The following RALYL variants were observed in gnomAD, a reference collection of about 807,000 sequenced individuals.
RALYL encodes the protein RALY RNA binding protein like, also known as RNA-binding Raly-like protein.
Under a neutral mutation model 35.1 loss-of-function variants are expected in RALYL, and 29 were observed. The observed-to-expected ratio is 0.83, with a 90% CI of 0.61 to 1.13. The LOEUF is 1.13. Among genes scored for constraint, RALYL ranks in the 50% most tolerant of loss-of-function variants. The pLI, the probability that RALYL is intolerant of heterozygous loss-of-function variation, is 0.00. For synonymous variants in RALYL, 120 were observed against 127.6 expected, an observed-to-expected ratio of 0.94 and a Z score of 0.40; for missense variants, 359 against 360.4, an observed-to-expected ratio of 1.00 and a Z score of 0.03.
chr8:84,523,001 G>A (rs2058582331), intron 1 of RALYL, among the ~76,000 whole-genome samples: 1 of 152,074 alleles, frequency 6.6e-6, no homozygotes, highest in Admixed American at 6.6e-5. Flanking sequence ...AGGAGCAAAG[G>A]CACATCTTAC....
intron 1 of RALYL, among the ~76,000 whole-genome samples, chr8:84,513,328 T>A (rs891968449): frequency 2.0e-5 from 3 of 152,190 alleles, no homozygotes; most frequent in African/African-American, 7.2e-5. Context: ...TTGTTATTAT[T>A]GATTTTTTGT....
rs149781467 is a variant in RALYL, at chr8:84,184,378, T to A, written c.-70T>A. 1.3e-5 allele frequency: 2 copies of A among 152,150 alleles called. No individual in the cohort carries two copies. Among genetic ancestry groups the A allele is most frequent in the South Asian group, 4.1e-4 (2 of 4,820 alleles). 9.4% of individuals were successfully genotyped at this position (152,150 alleles called of 1,614,324 possible). On this transcript the variant is annotated 5_prime_UTR_variant, in exon 1 of 9. The change creates a premature stop within an existing upstream ORF in the 5' untranslated region. Transcript: ENST00000521268. ...AAAATGAAGTGCGGTTTGGTTTCCT[T>A]GTCAACGGAGGATGAAGTGAACAGC...
intron 1 of RALYL, among the ~76,000 whole-genome samples, chr8:84,447,355 G>T (rs2048963140): frequency 6.6e-6 from 1 of 151,184 alleles, no homozygotes; most frequent in South Asian, 2.1e-4. Flanking sequence ...TCATATTCCT[G>T]CATTCCTCTC....
chr8:84,231,351 A>G (rs895619627), intron 1 of RALYL, among the ~76,000 whole-genome samples: 1 of 152,250 alleles, frequency 6.6e-6, no homozygotes, highest in African/African-American at 2.4e-5. Context: ...AAAAAGGCAC[A>G]TGTATTAGCA....
At chr8:84,854,650 A>C (rs931444054) in intron 5 of RALYL, among the ~76,000 whole-genome samples, 7 of 152,222 alleles carry the variant, frequency 4.6e-5, no homozygotes, top group Non-Finnish European at 2.9e-5. Flanking sequence ...ACTTACGTAT[A>C]ACAGGGCTAA....
chr8:84,762,284 G>A (rs1812904230), intron 2 of RALYL, among the ~76,000 whole-genome samples: 1 of 152,024 alleles, frequency 6.6e-6, no homozygotes, highest in South Asian at 2.1e-4. Flanking sequence ...TTTTATATTA[G>A]CTTGGCTTTG....
chr8:84,474,691 G>A (rs934468065), intron 1 of RALYL, among the ~76,000 whole-genome samples: 5 of 152,066 alleles, frequency 3.3e-5, no homozygotes, highest in African/African-American at 1.2e-4. Context: ...ATTGTAAAGA[G>A]ACGTCCCTGT....
At chr8:84,216,309 A>G (rs570202697) in intron 1 of RALYL, among the ~76,000 whole-genome samples, 1 of 152,270 alleles carries the variant, frequency 6.6e-6, no homozygotes, top group East Asian at 1.9e-4. Flanking sequence ...CCATAAGCCT[A>G]TGTAGCAAGA....
At chr8:84,816,678 T>G (rs549025865) in intron 4 of RALYL, among the ~76,000 whole-genome samples, 1 of 152,220 alleles carries the variant, frequency 6.6e-6, no homozygotes, top group Admixed American at 6.5e-5. Flanking sequence ...TTAGAAAGAA[T>G]GAATAAGACC....
intron 1 of RALYL, among the ~76,000 whole-genome samples, chr8:84,492,427 G>T (rs1222896263): frequency 2.0e-5 from 3 of 151,994 alleles, no homozygotes; most frequent in Non-Finnish European, 2.9e-5. Flanking sequence ...AAACTAAAAA[G>T]ATCTCAATAA....
intron 1 of RALYL, among the ~76,000 whole-genome samples, chr8:84,250,271 A>G (rs889438350): frequency 1.3e-5 from 2 of 152,192 alleles, no homozygotes; most frequent in Non-Finnish European, 2.9e-5. Context: ...TGGTACTAAG[A>G]AAAGCTTCAG....
chr8:84,904,745 T>TA (rs1183863183), intron 8 of RALYL, among the ~76,000 whole-genome samples: 2 of 152,112 alleles, frequency 1.3e-5, no homozygotes, highest in African/African-American at 4.8e-5. Context: ...AAAGTAATCC[T>TA]AAAAAATGGC....
At chr8:84,804,068 AT>A (rs1824019027) in intron 3 of RALYL, among the ~76,000 whole-genome samples, 1 of 152,208 alleles carries the variant, frequency 6.6e-6, no homozygotes, top group African/African-American at 2.4e-5. Flanking sequence ...TGTAAAAAAA[AT>A]GGAAAGTTAA....
chr8:84,635,582 G>A (rs1478755964), intron 2 of RALYL, among the ~76,000 whole-genome samples: 4 of 151,192 alleles, frequency 2.6e-5, no homozygotes, highest in Non-Finnish European at 5.9e-5. Flanking sequence ...ACTATTGAGA[G>A]ATTTACAAAA....
chr8:84,492,462 T>C (rs1178099306), intron 1 of RALYL, among the ~76,000 whole-genome samples: 1 of 152,138 alleles, frequency 6.6e-6, no homozygotes, highest in African/African-American at 2.4e-5. Flanking sequence ...CTGAATTACA[T>C]TGAAACTCCT....
chr8:84,568,863 C>T (rs1484016045), intron 2 of RALYL, among the ~76,000 whole-genome samples: 2 of 150,492 alleles, frequency 1.3e-5, no homozygotes, highest in Non-Finnish European at 2.9e-5. Context: ...TGAGAAGTGT[C>T]TGTTCATATC....
intron 1 of RALYL, among the ~76,000 whole-genome samples, chr8:84,218,628 C>T (rs1205423428): frequency 1.3e-5 from 2 of 152,010 alleles, no homozygotes; most frequent in Non-Finnish European, 2.9e-5. Context: ...GTTTCACTCC[C>T]TCTGAAGAGT....
intron 1 of RALYL, among the ~76,000 whole-genome samples, chr8:84,244,167 T>C (rs562336951): frequency 6.6e-6 from 1 of 152,272 alleles, no homozygotes; most frequent in East Asian, 1.9e-4. Context: ...CTATAAATTT[T>C]CCAGTAATCC....
intron 2 of RALYL, among the ~76,000 whole-genome samples, chr8:84,599,217 A>G (rs1815319450): frequency 1.3e-5 from 2 of 152,086 alleles, no homozygotes; most frequent in African/African-American, 4.8e-5. Context: ...ATCACTGACC[A>G]CTAAAAATTT....
Sources: gnomAD v4.1 joint callset for allele counts (sites outside exome capture counted in the v4.1 genomes callset) on GRCh38, gnomAD v4.1.1 for gene constraint, MANE v1.5 for transcripts, NCBI Gene and HGNC (gene_info 2026-07-23, HGNC 2026-07-21) for gene names.